ADAMTSL3: variants seen among roughly 807,000 people sequenced by gnomAD.
The protein encoded by ADAMTSL3 is ADAMTS like 3, also known as ADAMTS-like protein 3.
Under a neutral mutation model 201.7 loss-of-function variants are expected in ADAMTSL3, and 128 were observed. The ratio of observed to expected loss-of-function variants is 0.63; its 90% CI spans 0.55 to 0.73. The LOEUF (loss-of-function observed/expected upper bound fraction) is 0.73. Ranked by LOEUF, ADAMTSL3 falls within the 30% of genes least tolerant of loss-of-function variation. The probability of loss-of-function intolerance (pLI) is 0.00; values close to 1 mark genes in which losing one functional copy is unlikely to be tolerated. For missense variants in ADAMTSL3, 1,990 were observed against 2,119.6 expected, an observed-to-expected ratio of 0.94 and a Z score of 1.20; for synonymous variants, 738 against 748.4, an observed-to-expected ratio of 0.99 and a Z score of 0.23.
chr15:83,886,245 A>C (rs2065388326), intron 10 of ADAMTSL3, among the ~76,000 whole-genome samples: 1 of 152,218 alleles, frequency 6.6e-6, no homozygotes, highest in South Asian at 2.1e-4. Flanking sequence ...TCAAAGAATA[A>C]ATGCATGCAA....
chr15:83,688,204 G>T (rs577627016), intron 2 of ADAMTSL3, among the ~76,000 whole-genome samples: 1 of 152,252 alleles, frequency 6.6e-6, no homozygotes, highest in African/African-American at 2.4e-5. Flanking sequence ...GAGAAAAGAC[G>T]CATACTGAGA....
At chr15:84,025,937 C>T (rs1031990581) in intron 27 of ADAMTSL3, among the ~76,000 whole-genome samples, 4 of 152,062 alleles carry the variant, frequency 2.6e-5, no homozygotes, top group Admixed American at 6.6e-5. Flanking sequence ...CTCAGTACTA[C>T]GAAGATGTCG....
intron 3 of ADAMTSL3, among the ~76,000 whole-genome samples, chr15:83,710,576 G>A (rs906582041): frequency 6.6e-6 from 1 of 151,966 alleles, no homozygotes; most frequent in African/African-American, 2.4e-5. Context: ...GTAAAAGTCT[G>A]TGTTGGTACA....
At chr15:83,853,880 T>C (rs887350665) in intron 7 of ADAMTSL3, among the ~76,000 whole-genome samples, 1 of 151,594 alleles carries the variant, frequency 6.6e-6, no homozygotes, top group Non-Finnish European at 1.5e-5. Context: ...TTTTGCTACA[T>C]TGGTTCATTA....
intron 14 of ADAMTSL3, among the ~76,000 whole-genome samples, chr15:83,899,003 C>T (rs1242481618): frequency 6.6e-6 from 1 of 152,130 alleles, no homozygotes; most frequent in African/African-American, 2.4e-5. Flanking sequence ...TTCATAGCCA[C>T]TTTCATTGTG....
At position 84,016,419 on chromosome 15, in the gene ADAMTSL3, A is replaced by G. The variant is rs780174176; in HGVS notation, c.4193A>G (p.Gln1398Arg). ...RWPESRIVFL[Q>R]GHKKYILQAT... ...CCAGAGAGTAGAATCGTATTTCTGCAAGGACATAAAAAGTACATTCTCCAG... is the reference window on the plus strand; with the variant it reads ...CCAGAGAGTAGAATCGTATTTCTGCGAGGACATAAAAAGTACATTCTCCAG... The change falls in exon 25 of 30, where the codon CAA becomes CGA. Residue 1398 changes from glutamine (Q) to arginine (R), a missense_variant. Physicochemically the swap from Gln to Arg is conservative, Grantham distance 43. Transcript: ENST00000286744. The G allele has an allele frequency of 1.2e-6, 2 of 1,614,064 alleles. No homozygotes were observed. Among genetic ancestry groups the G allele is most frequent in the Non-Finnish European group, 1.7e-6 (2 of 1,179,992 alleles).
chr15:83,855,160 A>G (rs1376767283), intron 7 of ADAMTSL3, among the ~76,000 whole-genome samples: 2 of 152,202 alleles, frequency 1.3e-5, no homozygotes, highest in African/African-American at 2.4e-5. Context: ...GGTTAGCCAT[A>G]GATGACAGCT....
rs757218757 is a variant in ADAMTSL3, at chr15:83,704,375, A to T, written c.70-14A>T. ...CTGGAGCCTTATTTGTGACCAAATG[A>T]TCTTGTTTTTCAGACCACAGCTGAG... On this transcript the variant is annotated splice_polypyrimidine_tract_variant and intron_variant, in intron 2 of 29. Coordinates refer to ENST00000286744, the MANE Select transcript of ADAMTSL3 (RefSeq NM_207517.3). The T allele has an allele frequency of 3.7e-6, 6 of 1,614,028 alleles. No homozygotes were observed. The highest frequency in any genetic ancestry group is 2.2e-5 in the East Asian group (1 of 44,878).
At chr15:83,974,074 C>G (rs549818562) in intron 20 of ADAMTSL3, among the ~76,000 whole-genome samples, 2 of 152,320 alleles carry the variant, frequency 1.3e-5, no homozygotes, top group African/African-American at 4.8e-5. Context: ...CCCAAACAAT[C>G]CCTGCACAGT....
At chr15:83,897,388 G>A (rs2065638268) in intron 13 of ADAMTSL3, among the ~76,000 whole-genome samples, 1 of 152,110 alleles carries the variant, frequency 6.6e-6, no homozygotes, top group Non-Finnish European at 1.5e-5. Context: ...TTATATGGTA[G>A]CAGTTTTGCA....
intron 3 of ADAMTSL3, among the ~76,000 whole-genome samples, chr15:83,747,766 C>T (rs1596133489): frequency 6.6e-6 from 1 of 151,924 alleles, no homozygotes; most frequent in Non-Finnish European, 1.5e-5. Flanking sequence ...CCGATGTCTC[C>T]CAAACATCCA....
intron 3 of ADAMTSL3, among the ~76,000 whole-genome samples, chr15:83,729,793 C>T (rs1317223672): frequency 6.6e-6 from 1 of 151,990 alleles, no homozygotes; most frequent in Non-Finnish European, 1.5e-5. Flanking sequence ...GTCCTGTTTT[C>T]CTGGATGGGC....
chr15:83,986,171 G>A (rs528565565), intron 21 of ADAMTSL3, among the ~76,000 whole-genome samples: 2 of 152,172 alleles, frequency 1.3e-5, no homozygotes, highest in East Asian at 1.9e-4. Flanking sequence ...AGACTTCTGG[G>A]GGGTTCATGG....
intron 3 of ADAMTSL3, among the ~76,000 whole-genome samples, chr15:83,738,884 A>G (rs1253676929): frequency 1.3e-5 from 2 of 152,026 alleles, no homozygotes; most frequent in Non-Finnish European, 1.5e-5. Context: ...TGATGGAGCA[A>G]GACTCCATAT....
intron 3 of ADAMTSL3, among the ~76,000 whole-genome samples, chr15:83,724,583 T>G (rs909515082): frequency 2.0e-5 from 3 of 152,120 alleles, no homozygotes; most frequent in Non-Finnish European, 4.4e-5. Flanking sequence ...TTTTAAAATC[T>G]ATAGTAAATT....
At chr15:83,758,458 C>A (rs1350764381) in intron 3 of ADAMTSL3, among the ~76,000 whole-genome samples, 1 of 152,200 alleles carries the variant, frequency 6.6e-6, no homozygotes, top group Non-Finnish European at 1.5e-5. Context: ...AGTTCCCTCC[C>A]ACAACACATG....
chr15:83,849,819 C>T (rs554709015), intron 7 of ADAMTSL3, among the ~76,000 whole-genome samples: 2 of 152,140 alleles, frequency 1.3e-5, no homozygotes, highest in Non-Finnish European at 2.9e-5. Flanking sequence ...AATCAAAAAA[C>T]AAATAGTTTG....
At chr15:83,870,711 T>C in intron 8 of ADAMTSL3, 91 bp from the exon 9 acceptor site, 1 of 1,067,444 alleles carries the variant, frequency 9.4e-7, no homozygotes, top group South Asian at 1.8e-5. Context: ...TGTTTTGATA[T>C]CATATACTGA....
rs558789647 is a variant in ADAMTSL3 at position 83,739,141 on chromosome 15, T to C, written c.190-34382T>C. 1.8e-3 allele frequency among the ~76,000 whole-genome samples: 269 copies of C among 152,074 alleles called. 1 individual carries two copies. The highest frequency in any genetic ancestry group is 2.7e-3 in the Non-Finnish European group (181 of 68,012). On this transcript the variant is annotated intron_variant, in intron 3 of 29. Transcript: ENST00000286744. ...TCATAAACATGTAGACTCTGAGATATGTTTAAAAACAATAGCTAAATGCTT... is the reference window on the plus strand; with the variant it reads ...TCATAAACATGTAGACTCTGAGATACGTTTAAAAACAATAGCTAAATGCTT...
Sources: gnomAD v4.1 joint callset for allele counts (sites outside exome capture counted in the v4.1 genomes callset) on GRCh38, gnomAD v4.1.1 for gene constraint, MANE v1.5 for transcripts, NCBI Gene and HGNC (gene_info 2026-07-23, HGNC 2026-07-21) for gene names.